WWOX: variants seen among roughly 807,000 people sequenced by gnomAD.
WWOX encodes the protein WW domain containing oxidoreductase.
Under a neutral mutation model 46.2 loss-of-function variants are expected in WWOX, and 69 were observed. The observed-to-expected ratio is 1.49, with a 90% CI of 1.23 to 1.82. WWOX has a LOEUF of 1.82. Among genes scored for constraint, WWOX ranks in the 40% most tolerant of loss-of-function variants. The probability of loss-of-function intolerance (pLI) is 0.00; values close to 1 mark genes in which losing one functional copy is unlikely to be tolerated. For missense variants in WWOX, 919 were observed against 542.6 expected, an observed-to-expected ratio of 1.69 and a Z score of -6.89; for synonymous variants, 359 against 202.6, an observed-to-expected ratio of 1.77 and a Z score of -6.56.
chr16:79,205,840 C>G lies in WWOX; in HGVS notation c.1057-5768C>G, dbSNP rs927776599. 2.0e-5 allele frequency: 3 copies of G among 152,180 alleles called. 1 individual carries two copies. In the South Asian group the frequency reaches 6.2e-4, roughly 32 times the overall value. The allele number at this position is 152,180 out of a possible 1,614,324, so 9.4% of individuals were successfully genotyped here. ...GAGGGATGGATCAGTATTTTCTCTG[C>G]AAACCTGATGAAACACTCCAGAGCC... On this transcript the variant is annotated intron_variant, in intron 8 of 8. Transcript: ENST00000566780.
At chr16:78,131,396 A>C (rs1385825437) in intron 4 of WWOX, among the ~76,000 whole-genome samples, 1 of 151,842 alleles carries the variant, frequency 6.6e-6, no homozygotes, top group Admixed American at 6.6e-5. Context: ...TGTATTTTTA[A>C]TAGAGATGAG....
chr16:78,667,670 CAAAA>C (rs35375082), intron 8 of WWOX, among the ~76,000 whole-genome samples: 462 of 61,310 alleles, frequency 7.5e-3, no homozygotes, highest in African/African-American at 0.024. Context: ...GACTCCGTCT[CAAAA>C]AAAAAAAAAA....
At chr16:78,520,304 T>G (rs558464539) in intron 8 of WWOX, among the ~76,000 whole-genome samples, 1 of 152,306 alleles carries the variant, frequency 6.6e-6, no homozygotes, top group African/African-American at 2.4e-5. Context: ...ATTTTTTAGA[T>G]GTAAAAGTGG....
At chr16:79,079,507 T>C (rs952430349) in intron 8 of WWOX, among the ~76,000 whole-genome samples, 3 of 152,202 alleles carry the variant, frequency 2.0e-5, no homozygotes, top group African/African-American at 4.8e-5. Flanking sequence ...CAACCCCCTG[T>C]TACATTCTTG....
intron 8 of WWOX, among the ~76,000 whole-genome samples, chr16:78,769,627 A>T (rs1027027130): frequency 6.7e-6 from 1 of 149,740 alleles, no homozygotes; most frequent in East Asian, 2.0e-4. Flanking sequence ...CAGTTAGGAG[A>T]CAGAAACTAT....
intron 8 of WWOX, among the ~76,000 whole-genome samples, chr16:78,453,862 T>C (rs57674068): frequency 0.12 from 18,222 of 152,134 alleles, 1,696 homozygotes; most frequent in African/African-American, 0.25. Flanking sequence ...GAAGATTTCA[T>C]GTATCTGTTT....
At chr16:78,928,215 T>C (rs1392828046) in intron 8 of WWOX, among the ~76,000 whole-genome samples, 1 of 150,824 alleles carries the variant, frequency 6.6e-6, no homozygotes, top group South Asian at 2.1e-4. Flanking sequence ...TTTTTTTTTT[T>C]TTTTTGAGAC....
chr16:79,186,525 A>G (rs886780134), intron 8 of WWOX, among the ~76,000 whole-genome samples: 1 of 152,160 alleles, frequency 6.6e-6, no homozygotes, highest in African/African-American at 2.4e-5. Context: ...TTAAGGGCCT[A>G]CCCTATTCCA....
At chr16:78,719,115 T>A (rs2142347259) in intron 8 of WWOX, among the ~76,000 whole-genome samples, 1 of 152,308 alleles carries the variant, frequency 6.6e-6, no homozygotes, top group African/African-American at 2.4e-5. Context: ...TGGTTTCAAA[T>A]CCAAGCCCAT....
intron 5 of WWOX, among the ~76,000 whole-genome samples, chr16:78,245,111 A>G (rs2037775602): frequency 1.3e-5 from 2 of 152,212 alleles, no homozygotes; most frequent in Non-Finnish European, 2.9e-5. Flanking sequence ...TTCCAGAGAT[A>G]TGTATATTTT....
rs1555548257 is a variant in WWOX, at chr16:78,842,755, G to GTA, written c.1057-368853_1057-368852insTA. ...TAGCCGCAGCTACTCAGGAGGCTGA[G>GTA]GCAGTAGATTCATTTGAGCCCAGGA... On this transcript the variant is annotated intron_variant, in intron 8 of 8. Coordinates refer to ENST00000566780, the MANE Select transcript of WWOX (RefSeq NM_016373.4). Among the ~76,000 whole-genome samples the GTA allele has an allele frequency of 2.6e-3, 393 of 151,196 alleles. 9 individuals carry two copies. The highest frequency in any genetic ancestry group is 5.1e-3 in the South Asian group (24 of 4,734).
chr16:78,435,077 G>T (rs1180686633), intron 8 of WWOX, among the ~76,000 whole-genome samples: 1 of 152,144 alleles, frequency 6.6e-6, no homozygotes, highest in African/African-American at 2.4e-5. Context: ...AATTAAGTTG[G>T]ATCGGTGACT....
intron 8 of WWOX, among the ~76,000 whole-genome samples, chr16:78,963,204 C>G (rs778109125): frequency 3.3e-5 from 5 of 152,152 alleles, no homozygotes; most frequent in Non-Finnish European, 5.9e-5. Flanking sequence ...TGCAGTGGCT[C>G]ACACCTGTAA....
chr16:78,510,785 G>C (rs2085342171), intron 8 of WWOX, among the ~76,000 whole-genome samples: 1 of 152,190 alleles, frequency 6.6e-6, no homozygotes, highest in South Asian at 2.1e-4. Context: ...ATTTTGGCAG[G>C]AGTGTTTGTT....
chr16:79,052,196 C>A (rs563162241), intron 8 of WWOX, among the ~76,000 whole-genome samples: 2 of 151,424 alleles, frequency 1.3e-5, no homozygotes, highest in East Asian at 1.9e-4. Context: ...CCCTTCCCCC[C>A]ACCCCACCAC....
chr16:78,216,725 C>G (rs2036734455), intron 5 of WWOX, among the ~76,000 whole-genome samples: 1 of 151,646 alleles, frequency 6.6e-6, no homozygotes. Flanking sequence ...AGGGTCCTCT[C>G]CCTATTTATT....
chr16:78,367,739 T>G (rs78144686), intron 5 of WWOX, among the ~76,000 whole-genome samples: 8,072 of 151,966 alleles, frequency 0.053, 279 homozygotes, highest in East Asian at 0.12. Context: ...TACCATCCCA[T>G]TTGGGCCAAC....
At chr16:78,808,628 C>G (rs944594129) in intron 8 of WWOX, among the ~76,000 whole-genome samples, 2 of 152,162 alleles carry the variant, frequency 1.3e-5, no homozygotes, top group African/African-American at 4.8e-5. Context: ...TTAAAATAAA[C>G]TCCAACAGAA....
intron 8 of WWOX, among the ~76,000 whole-genome samples, chr16:78,737,436 C>T (rs947947041): frequency 6.6e-6 from 1 of 151,968 alleles, no homozygotes; most frequent in African/African-American, 2.4e-5. Context: ...AATGCCCAGC[C>T]TTATATATGT....
Sources: allele counts gnomAD v4.1 joint callset (sites outside exome capture counted in the v4.1 genomes callset), GRCh38; gene constraint gnomAD v4.1.1; transcripts MANE v1.5; gene names NCBI Gene and HGNC (gene_info 2026-07-23, HGNC 2026-07-21).